Variants in GRTP1 observed in about 807,000 individuals in gnomAD.
The protein encoded by GRTP1 is growth hormone regulated TBC protein 1, also known as growth hormone-regulated TBC protein 1.
Under a neutral mutation model 38.1 loss-of-function variants are expected in GRTP1, and 56 were observed. The ratio of observed to expected loss-of-function variants is 1.47; its 90% CI spans 1.19 to 1.84. The LOEUF is 1.84. Ranked by LOEUF, GRTP1 falls within the 40% of genes most tolerant of loss-of-function variation. GRTP1 has a pLI of 0.00. For synonymous variants in GRTP1, 217 were observed against 189.5 expected, an observed-to-expected ratio of 1.14 and a Z score of -1.19; for missense variants, 506 against 453.9, an observed-to-expected ratio of 1.11 and a Z score of -1.04.
chr13:113,329,145 A>G (rs577804879), intron 5 of GRTP1, among the ~76,000 whole-genome samples: 12 of 152,336 alleles, frequency 7.9e-5, no homozygotes, highest in African/African-American at 2.9e-4. Context: ...GGCCAGTCCC[A>G]TGTACAGAGC....
intron 5 of GRTP1, among the ~76,000 whole-genome samples, chr13:113,334,311 C>T (rs2042925533): frequency 6.6e-6 from 1 of 150,530 alleles, no homozygotes; most frequent in African/African-American, 2.4e-5. Flanking sequence ...ACTGCTACGA[C>T]AGCCTCCCGC....
At chr13:113,357,093 C>CCT (rs2043404252) in intron 2 of GRTP1, among the ~76,000 whole-genome samples, 6 of 20,892 alleles carry the variant, frequency 2.9e-4, no homozygotes, top group South Asian at 1.5e-3. Flanking sequence ...GGGCAGATCA[C>CCT]GAGGTCAAGA....
In GRTP1 at chr13:113,363,829, C is replaced by A. The variant is rs1016991351; in HGVS notation, c.114G>T (p.Thr38=). Reference sequence around the variant, plus strand: ...ACCATTTGATCGCCCTGCGGGTGAGCGTGACCAGGTAGCTGGAGAAAAACT... The same window carrying A: ...ACCATTTGATCGCCCTGCGGGTGAGAGTGACCAGGTAGCTGGAGAAAAACT... ...YEKFFSSYLV[T]LTRRAIKWSR... Residue 38 remains threonine (T), a synonymous_variant, in exon 2 of 8, where the codon ACG becomes ACT. Coordinates refer to ENST00000375431, the MANE Select transcript of GRTP1 (RefSeq NM_024719.4). 4.3e-6 allele frequency: 7 copies of A among 1,611,926 alleles called. No homozygotes were observed. Among genetic ancestry groups the A allele is most frequent in the Non-Finnish European group, 5.1e-6 (6 of 1,179,556 alleles).
chr13:113,326,639 C>A (rs1354873030), intron 5 of GRTP1, among the ~76,000 whole-genome samples: 1 of 151,976 alleles, frequency 6.6e-6, no homozygotes, highest in East Asian at 1.9e-4. Context: ...CCACTGCACT[C>A]CAGTCTGGGC....
At chr13:113,355,298 C>G (rs762300648) in intron 3 of GRTP1, 25 bp downstream of exon 3, 43 of 1,610,590 alleles carry the variant, frequency 2.7e-5, no homozygotes, top group Non-Finnish European at 3.5e-5. Flanking sequence ...GGCCCTGCAC[C>G]AGAGCTCGAC....
rs1169996662 is a variant in GRTP1, at chr13:113,348,015, TGGGAGGACCTGTCTGGCCGAGTGGACCC to T, written c.465+2806_465+2833del. 1.3e-5 allele frequency among the ~76,000 whole-genome samples: 2 copies of T among 148,200 alleles called. No homozygotes were observed. Among genetic ancestry groups the T allele is most frequent in the Non-Finnish European group, 3.0e-5 (2 of 66,988 alleles). ...GAGGACCTGTGTGGCTGAGCGGACC[TGGGAGGACCTGTCTGGCCGAGTGGACCC>T]GGGAGGATCTCCGTGGCTGAGAATG... is the stretch of plus-strand genomic sequence containing the variant. On this transcript the variant is annotated intron_variant, in intron 4 of 7. Coordinates refer to ENST00000375431, the MANE Select transcript of GRTP1 (RefSeq NM_024719.4). This position sits in a 1 kb window ranked among gnomAD's most constrained non-coding sequence, Gnocchi z 4.8.
chr13:113,355,505 C>T (rs551192957), intron 2 of GRTP1, 24 bp from the exon 3 acceptor site: 16 of 1,591,198 alleles, frequency 1.0e-5, no homozygotes, highest in African/African-American at 1.3e-5. Flanking sequence ...GGACGGACAG[C>T]GTGTGAGCTG....
intron 5 of GRTP1, among the ~76,000 whole-genome samples, chr13:113,326,365 AGGGTGGCGCGGTGGGGGGGG>A (rs1222894030): frequency 0.31 from 1,271 of 4,128 alleles, 58 homozygotes; most frequent in African/African-American, 0.46. Context: ...CTGCAGGTGG[AGGGTGGCGCGGTGGGGGGGG>A]GGGGGGCGGG....
At position 113,324,932 on chromosome 13, in the gene GRTP1, T is replaced by G. The variant is rs547442626; in HGVS notation, c.922-355A>C. 2.6e-4 allele frequency: 151 copies of G among 579,706 alleles called. No individual in the cohort carries two copies. The African/African-American group carries it at 2.8e-3, about 11-fold the overall frequency. 35.9% of individuals were successfully genotyped at this position (579,706 alleles called of 1,614,324 possible). On this transcript the variant is annotated intron_variant, in intron 7 of 7. Coordinates refer to ENST00000375431, the MANE Select transcript of GRTP1 (RefSeq NM_024719.4). ...ACCTCCGCCTCCCAGGTTCAAGTGA[T>G]TCTCGTGCCTCAGCCTCCCGAGTAA...
At position 113,349,914 on chromosome 13, in the gene GRTP1, TC is replaced by T. The variant is rs1228704269; in HGVS notation, c.465+934del. On this transcript the variant is annotated intron_variant, in intron 4 of 7. Transcript: ENST00000375431. This position sits in a 1 kb window ranked among gnomAD's most constrained non-coding sequence, Gnocchi z 5.0. ...CCCATCGCGACGATGTCCTTCCCTG[TC>T]CTCCTAGAAACGTTTAAGCCAGCCA... is the stretch of plus-strand genomic sequence containing the variant. Among the ~76,000 whole-genome samples, 1 of 69,028 alleles carries T rather than the reference TC, an allele frequency of 1.4e-5. No individual in the cohort carries two copies. The highest frequency in any genetic ancestry group is 2.9e-5 in the Non-Finnish European group (1 of 34,824). The allele number at this position is 69,028 out of a possible 152,430, so 45.3% of individuals were successfully genotyped here.
At position 113,344,958 on chromosome 13, in the gene GRTP1, C is replaced by T. The variant is rs779880104; in HGVS notation, c.467G>A (p.Gly156Glu). ...HHNQGVGYCQ[G>E]MNFIAGYLIL... ...CAGATATCCTGCTATAAAATTCATT[C>T]CCTGAAATTAGAAAAATGAGAAACA... is the stretch of plus-strand genomic sequence containing the variant. The change falls in exon 5 of 8, where the codon GGA becomes GAA. Residue 156 changes from glycine (G) to glutamate (E), a missense_variant and splice_region_variant. By Grantham distance (98) the Gly-to-Glu change is moderately conservative (BLOSUM62 -2). Coordinates refer to ENST00000375431, the MANE Select transcript of GRTP1 (RefSeq NM_024719.4). The T allele has an allele frequency of 6.3e-7, 1 of 1,588,302 alleles. No homozygotes were observed. Among genetic ancestry groups the T allele is most frequent in the African/African-American group, 1.4e-5 (1 of 73,840 alleles).
rs892526523 is a variant in GRTP1, at chr13:113,346,226, G to C, written c.466-1267C>G. Among the ~76,000 whole-genome samples the C allele has an allele frequency of 3.4e-4, 35 of 102,206 alleles. 2 individuals carry two copies. In the Middle Eastern group the frequency reaches 0.013, roughly 38 times the overall value. The allele number at this position is 102,206 out of a possible 152,430, so 67.1% of individuals were successfully genotyped here. ...GACCCGGGAGGACCTCTGTGGCTGA[G>C]AACAGACCCGGGAGGACCTCTGTGG... is the stretch of plus-strand genomic sequence containing the variant. On this transcript the variant is annotated intron_variant, in intron 4 of 7. Coordinates refer to ENST00000375431, the MANE Select transcript of GRTP1 (RefSeq NM_024719.4).
intron 5 of GRTP1, among the ~76,000 whole-genome samples, chr13:113,334,875 T>G (rs986004794): frequency 6.6e-6 from 1 of 152,102 alleles, no homozygotes; most frequent in Non-Finnish European, 1.5e-5. Flanking sequence ...CTGGATGGAG[T>G]GCAGTGGCGC....
At chr13:113,328,820 C>T (rs1000105767) in intron 5 of GRTP1, among the ~76,000 whole-genome samples, 2 of 152,240 alleles carry the variant, frequency 1.3e-5, no homozygotes, top group Admixed American at 6.5e-5. Context: ...GGGCGTCTCC[C>T]TCTCCCTTTC....
At chr13:113,358,023 A>G (rs183175196) in intron 2 of GRTP1, among the ~76,000 whole-genome samples, 49 of 152,152 alleles carry the variant, frequency 3.2e-4, no homozygotes, top group Non-Finnish European at 6.3e-4. Context: ...TACTAAAAAA[A>G]ATACAAAAAT....
intron 2 of GRTP1, among the ~76,000 whole-genome samples, chr13:113,363,269 G>C (rs897315493): frequency 9.8e-5 from 15 of 152,308 alleles, no homozygotes; most frequent in African/African-American, 3.4e-4. Flanking sequence ...GTGCAATGGC[G>C]CAATCTCGGC....
At chr13:113,325,611 T>G (rs1217840585) in intron 7 of GRTP1, 50 bp downstream of exon 7, 7 of 1,613,352 alleles carry the variant, frequency 4.3e-6, no homozygotes, top group Non-Finnish European at 5.9e-6. Context: ...GGGCTGCAGG[T>G]GAGGCGGGGC....
chr13:113,345,750 C>T (rs554190034), intron 4 of GRTP1, among the ~76,000 whole-genome samples: 21 of 152,352 alleles, frequency 1.4e-4, no homozygotes, highest in Non-Finnish European at 2.4e-4. Flanking sequence ...GCTGTTCACC[C>T]GGAGCCAAAG....
At chr13:113,338,666 G>A (rs555262295) in intron 5 of GRTP1, among the ~76,000 whole-genome samples, 11 of 152,216 alleles carry the variant, frequency 7.2e-5, no homozygotes, top group African/African-American at 2.2e-4. Flanking sequence ...AGACGGACTC[G>A]CACCCCGTGG....
Sources: gnomAD v4.1 joint callset for allele counts (sites outside exome capture counted in the v4.1 genomes callset) on GRCh38, gnomAD v4.1.1 for gene constraint, Gnocchi (gnomAD v3.1) non-coding constraint, MANE v1.5 for transcripts, NCBI Gene and HGNC (gene_info 2026-07-23, HGNC 2026-07-21) for gene names.